Variants in SLC49A3 observed in about 807,000 individuals in gnomAD.
SLC49A3 encodes the protein solute carrier family 49 member 3.
SLC49A3 carries 50 observed loss-of-function variants against 43.8 expected under a neutral mutation model. The observed-to-expected ratio is 1.14, with a 90% CI of 0.91 to 1.45. SLC49A3 has a LOEUF of 1.45. Ranked by LOEUF, SLC49A3 falls within the 40% of genes most tolerant of loss-of-function variation. The pLI is 0.00. For synonymous variants in SLC49A3, 413 were observed against 352.0 expected, an observed-to-expected ratio of 1.17 and a Z score of -1.94; for missense variants, 906 against 774.1, an observed-to-expected ratio of 1.17 and a Z score of -2.02.
downstream of SLC49A3, among the ~76,000 whole-genome samples, chr4:681,442 C>T (rs1362373954): frequency 1.3e-5 from 2 of 150,832 alleles, no homozygotes; most frequent in Admixed American, 6.6e-5. Context: ...AGCCGCCCCC[C>T]ACCCCCGACG....
At chr4:688,906 C>G (rs1741570445) in intron 1 of SLC49A3, 87 bp downstream of exon 1, 2 of 1,482,466 alleles carry the variant, frequency 1.3e-6, no homozygotes, top group African/African-American at 2.9e-5. Context: ...CACCTGGCAC[C>G]TCGGGCTGTG....
chr4:680,466 C>T, downstream of SLC49A3: 1 of 1,602,322 alleles, frequency 6.2e-7, no homozygotes, highest in Non-Finnish European at 8.5e-7. Flanking sequence ...AGCCACGGGA[C>T]TGCCACCCTG....
rs1577377333 is a variant in SLC49A3, at chr4:689,136, G to T, written c.-9C>A. On this transcript the variant is annotated 5_prime_UTR_variant, in exon 1 of 10. Transcript: ENST00000322224. ...TCCGTCGGCCCCGCCATCGTCGGCG[G>T]CCTCCACGGGTCTCCGCCGGTCCCG... 24 of 1,355,564 alleles carry T rather than the reference G, an allele frequency of 1.8e-5. No individual in the cohort carries two copies. The East Asian group carries it at 7.5e-4, about 42-fold the overall frequency. 84.0% of individuals were successfully genotyped at this position (1,355,564 alleles called of 1,614,324 possible).
chr4:681,216 G>T, downstream of SLC49A3: 1 of 1,529,080 alleles, frequency 6.5e-7, no homozygotes, highest in Non-Finnish European at 8.9e-7. Flanking sequence ...GGAGGGGGAC[G>T]CGGAGCCCGA....
Position 683,724 on chromosome 4 carries a change from A to C in SLC49A3, c.878T>G (p.Phe293Cys). The C allele has an allele frequency of 6.3e-7, 1 of 1,588,522 alleles. No individual in the cohort carries two copies. The highest frequency in any genetic ancestry group is 8.6e-7 in the Non-Finnish European group (1 of 1,167,336). Residue 293 changes from phenylalanine to cysteine, a missense_variant, in exon 7 of 10, where the codon TTT (phenylalanine) becomes TGT (cysteine). Physicochemically the swap from Phe to Cys is radical, Grantham distance 205 (BLOSUM62 -2). Transcript: ENST00000322224. ...SGLCGALFIT[F>C]GILGALALGP... ...GAGAGCCAGTGCCCCCAGGATCCCA[A>C]ACGTGATGAAGAGAGCGCCACAGAG... is the stretch of plus-strand genomic sequence containing the variant.
chr4:678,026 C>G, downstream of SLC49A3: 1 of 1,613,404 alleles, frequency 6.2e-7, no homozygotes, highest in East Asian at 2.2e-5. Flanking sequence ...CAGAAGCAGG[C>G]ATGGTGAGCA....
chr4:684,049 A>G (rs569151327), intron 6 of SLC49A3, among the ~76,000 whole-genome samples: 44 of 152,290 alleles, frequency 2.9e-4, no homozygotes, highest in Admixed American at 2.4e-3. Context: ...CATGCCCCCA[A>G]TCCTACACTG....
chr4:682,851 T>C lies in SLC49A3; in HGVS notation c.1191A>G (p.Ala397=). Residue 397 remains alanine (A), a synonymous_variant, in exon 9 of 10, where the codon GCA becomes GCG. Coordinates refer to ENST00000322224, the MANE Select transcript of SLC49A3 (RefSeq NM_032219.4). ...ACGGCTCCGAGCGTCGCACAGTCAG[T>C]GCCGTCATTGCCAGCATGATGAGTA... ...EGILIMLAMT[A]LTVRRSEPSL... is the part of the protein sequence containing the mutation. 1 of 1,604,108 alleles carries C rather than the reference T, an allele frequency of 6.2e-7. No homozygotes were observed. Among genetic ancestry groups the C allele is most frequent in the Non-Finnish European group, 8.5e-7 (1 of 1,173,938 alleles).
downstream of SLC49A3, chr4:680,949 C>T (rs983664951): frequency 5.4e-5 from 51 of 938,942 alleles, no homozygotes; most frequent in Non-Finnish European, 8.2e-5. Context: ...TGGGAAGGGA[C>T]CTGCCCCAGG....
Position 685,943 on chromosome 4 carries a change from G to A in SLC49A3, c.509-32C>T, listed in dbSNP as rs555993072. 80 of 1,613,362 alleles carry A rather than the reference G, an allele frequency of 5.0e-5. No homozygotes were observed. In the East Asian group the frequency reaches 8.7e-4, roughly 18 times the overall value. ...GGGCGGATGCACAAAGTGTCAGCTC[G>A]GCTGTGGCCTGGCTTCATCGCCAGC... On this transcript the variant is annotated intron_variant, in intron 3 of 9. Transcript: ENST00000322224. This position sits in a 1 kb window ranked among gnomAD's most constrained non-coding sequence, Gnocchi z 4.3.
downstream of SLC49A3, chr4:680,087 C>T (rs916551236): frequency 2.9e-5 from 39 of 1,346,948 alleles, no homozygotes; most frequent in South Asian, 2.7e-4. Flanking sequence ...GGACATTTCA[C>T]GTAAAAATCT....
At chr4:678,184 G>A (rs1296180143), downstream of SLC49A3, 39 of 1,533,348 alleles carry the variant, frequency 2.5e-5, no homozygotes, top group Non-Finnish European at 3.0e-5. Flanking sequence ...GTGCATGAGC[G>A]TGTGTATGTG....
chr4:682,138 G>A lies in SLC49A3; in HGVS notation c.1500C>T (p.Asp500=). The change falls in exon 10 of 10, where the codon GAC becomes GAT. Residue 500 remains aspartate (D), a synonymous_variant. Transcript: ENST00000322224. ...ECTARGASLE[D]PRGPGSPHPA... is the part of the protein sequence containing the mutation. The stretch of plus-strand genomic sequence containing the variant: ...GGTGGGGGCTCCCGGGCCCTCTGGG[G>A]TCCTCTAGCGAGGCCCCCCTCGCCG... 7.4e-7 allele frequency: 1 copy of A among 1,342,908 alleles called. No homozygotes were observed. The highest frequency in any genetic ancestry group is 1.9e-5 in the South Asian group (1 of 53,658). The allele number at this position is 1,342,908 out of a possible 1,614,324, so 83.2% of individuals were successfully genotyped here. A position where few individuals can be genotyped will look rare whatever the true frequency, so the allele number is the denominator to read the frequency against.
chr4:683,558 T>TGGC, intron 7 of SLC49A3, 51 bp downstream of exon 7: 1 of 1,571,834 alleles, frequency 6.4e-7, no homozygotes. Context: ...TCTCCGGGCC[T>TGGC]CACCACCCAC....
chr4:686,761 C>T, intron 1 of SLC49A3, 71 bp from the exon 2 acceptor site: 1 of 1,546,112 alleles, frequency 6.5e-7, no homozygotes, highest in Non-Finnish European at 8.7e-7. Flanking sequence ...CCCAGCCAGC[C>T]CGAGGGGGTC....
At chr4:681,135 G>C, downstream of SLC49A3, 1 of 1,605,946 alleles carries the variant, frequency 6.2e-7, no homozygotes, top group Non-Finnish European at 8.5e-7. Flanking sequence ...GATGACGGCG[G>C]AAGAGGTCTG....
chr4:682,337 C>T lies in SLC49A3; in HGVS notation c.1301G>A (p.Ser434Asn), dbSNP rs1739913571. 7.4e-7 allele frequency: 1 copy of T among 1,347,876 alleles called. No individual in the cohort carries two copies. The highest frequency in any genetic ancestry group is 9.6e-7 in the Non-Finnish European group (1 of 1,039,610). 83.5% of individuals were successfully genotyped at this position (1,347,876 alleles called of 1,614,324 possible). A position where few individuals can be genotyped will look rare whatever the true frequency, so the allele number is the denominator to read the frequency against. Residue 434 changes from serine (S) to asparagine (N), a missense_variant, in exon 10 of 10, where the codon AGC becomes AAC. By Grantham distance (46) the Ser-to-Asn change is conservative. Coordinates refer to ENST00000322224, the MANE Select transcript of SLC49A3 (RefSeq NM_032219.4). ...GTGGAAGAAGACCGCCAGGATGCAG[C>T]TGAAGAAGGTGCACAGGCCGGCCAT... ...LLMAGLCTFF[S>N]CILAVFFHTP...
downstream of SLC49A3, chr4:679,153 C>A: frequency 2.9e-6 from 2 of 694,016 alleles, no homozygotes; most frequent in Non-Finnish European, 4.2e-6. Context: ...AGAGGCCCAC[C>A]AACGGCCCTG....
At chr4:683,106 C>G in intron 8 of SLC49A3, 104 bp downstream of exon 8, 1 of 1,470,368 alleles carries the variant, frequency 6.8e-7, no homozygotes, top group Non-Finnish European at 9.3e-7. Flanking sequence ...AGGTTCCCCA[C>G]CTCCCCGAAA....
Sources: allele counts gnomAD v4.1 joint callset (sites outside exome capture counted in the v4.1 genomes callset), GRCh38; gene constraint gnomAD v4.1.1; non-coding constraint Gnocchi (gnomAD v3.1); transcripts MANE v1.5; gene names NCBI Gene and HGNC (gene_info 2026-07-23, HGNC 2026-07-21).